CRTC3: variants seen among roughly 807,000 people sequenced by gnomAD.
The protein encoded by CRTC3 is CREB-regulated transcription coactivator 3.
A neutral mutation model predicts 74.5 loss-of-function variants in CRTC3; 26 were observed. That is an observed-to-expected ratio of 0.35 (90% CI 0.26 to 0.48). The LOEUF is 0.48. Ranked by LOEUF, CRTC3 falls within the 20% of genes least tolerant of loss-of-function variation. The pLI is 0.99. For synonymous variants in CRTC3, 377 were observed against 325.8 expected, an observed-to-expected ratio of 1.16 and a Z score of -1.69; for missense variants, 760 against 787.3, an observed-to-expected ratio of 0.97 and a Z score of 0.41.
intron 2 of CRTC3, among the ~76,000 whole-genome samples, chr15:90,578,721 AG>A (rs1330873296): frequency 1.3e-5 from 2 of 152,312 alleles, no homozygotes; most frequent in African/African-American, 4.8e-5. Flanking sequence ...ATCGATTGTG[AG>A]GTGGGAACTG....
chr15:90,598,575 A>T (rs1040250632), intron 3 of CRTC3: 1 of 700,800 alleles, frequency 1.4e-6, no homozygotes, highest in African/African-American at 1.8e-5. Context: ...CTGAGATCCT[A>T]ACATGAGTGT....
intron 10 of CRTC3, among the ~76,000 whole-genome samples, chr15:90,628,507 G>A (rs1250833739): frequency 6.6e-6 from 1 of 152,222 alleles, no homozygotes; most frequent in Non-Finnish European, 1.5e-5. Flanking sequence ...GCAGGGCATA[G>A]GACAGGATCC....
intron 2 of CRTC3, among the ~76,000 whole-genome samples, chr15:90,547,149 G>C (rs6496688): frequency 6.6e-6 from 1 of 152,068 alleles, no homozygotes; most frequent in African/African-American, 2.4e-5. Context: ...TATGGTATAC[G>C]ATACGATATT....
At chr15:90,603,171 C>T (rs564565418) in intron 4 of CRTC3, among the ~76,000 whole-genome samples, 80 of 151,686 alleles carry the variant, frequency 5.3e-4, no homozygotes, top group African/African-American at 1.7e-3. Flanking sequence ...TGGCCAGGCA[C>T]GGTGGCTCAT....
Position 90,530,661 on chromosome 15 carries a change from G to C in CRTC3, c.132+458G>C, listed in dbSNP as rs4261512. 1.4e-4 allele frequency: 22 copies of C among 152,336 alleles called. No homozygotes were observed. The highest frequency in any genetic ancestry group is 5.1e-4 in the African/African-American group (21 of 41,566). The allele number at this position is 152,336 out of a possible 1,614,324, so 9.4% of individuals were successfully genotyped here. On this transcript the variant is annotated intron_variant, in intron 1 of 14. Transcript: ENST00000268184. This position sits in a 1 kb window ranked among gnomAD's most constrained non-coding sequence, Gnocchi z 6.2. ...GCACCCCAGGGTCCCACGCGCTCGTGGGGGGAGCTCTGTGCACAAGTCCAT... is the reference window on the plus strand; with the variant it reads ...GCACCCCAGGGTCCCACGCGCTCGTCGGGGGAGCTCTGTGCACAAGTCCAT...
At chr15:90,625,133 T>C (rs997402977) in intron 9 of CRTC3, 6 of 153,122 alleles carry the variant, frequency 3.9e-5, no homozygotes, top group Non-Finnish European at 8.7e-5. Context: ...TTATAACTTT[T>C]AAAAATGGAA....
intron 2 of CRTC3, among the ~76,000 whole-genome samples, chr15:90,580,454 T>C (rs1967512350): frequency 6.6e-6 from 1 of 150,810 alleles, no homozygotes; most frequent in African/African-American, 2.4e-5. Flanking sequence ...GAGACGAGTC[T>C]TGCTCGCTCT....
chr15:90,552,926 T>C (rs1167069504), intron 2 of CRTC3, among the ~76,000 whole-genome samples: 1 of 152,184 alleles, frequency 6.6e-6, no homozygotes, highest in East Asian at 1.9e-4. Flanking sequence ...AAGGTTATAA[T>C]GTTATATTTT....
At chr15:90,569,482 G>T (rs1481734069) in intron 2 of CRTC3, among the ~76,000 whole-genome samples, 1 of 47,280 alleles carries the variant, frequency 2.1e-5, no homozygotes, top group Admixed American at 2.1e-4. Context: ...ACCACACCTG[G>T]CTAATTTTGT....
At chr15:90,620,951 G>T (rs1291490871) in intron 9 of CRTC3, among the ~76,000 whole-genome samples, 1 of 152,092 alleles carries the variant, frequency 6.6e-6, no homozygotes, top group East Asian at 1.9e-4. Flanking sequence ...ATTCTTTCTG[G>T]CAGGTTAAAC....
intron 2 of CRTC3, among the ~76,000 whole-genome samples, chr15:90,551,944 G>GCACACACACACACA (rs5814439): frequency 7.7e-6 from 1 of 129,198 alleles, no homozygotes; most frequent in African/African-American, 3.7e-5. Context: ...ACACACACAC[G>GCACACACACACACA]CACACACACA....
intron 6 of CRTC3, among the ~76,000 whole-genome samples, chr15:90,607,734 C>A (rs1968262465): frequency 6.6e-6 from 1 of 152,210 alleles, no homozygotes; most frequent in South Asian, 2.1e-4. Context: ...GGGCACCCGT[C>A]ATCTTCTAAT....
chr15:90,591,206 C>T (rs1967793048), intron 2 of CRTC3, among the ~76,000 whole-genome samples: 1 of 151,914 alleles, frequency 6.6e-6, no homozygotes, highest in Admixed American at 6.6e-5. Context: ...TCAAGTGGTC[C>T]TCCCACCTCA....
At chr15:90,639,349 A>G (rs542060076) in intron 13 of CRTC3, among the ~76,000 whole-genome samples, 1 of 151,918 alleles carries the variant, frequency 6.6e-6, no homozygotes, top group South Asian at 2.1e-4. Flanking sequence ...ACTATTTTTA[A>G]TATTCTAGAT....
In CRTC3 at chr15:90,557,298, C is replaced by A. The variant is rs534265761; in HGVS notation, c.231+17161C>A. Reference sequence around the variant, plus strand: ...GCACCCCCTCACAGTCTAGGAGCAGCTTCTCTCTCCCCCACATTTTGAGCT... The same window carrying A: ...GCACCCCCTCACAGTCTAGGAGCAGATTCTCTCTCCCCCACATTTTGAGCT... On this transcript the variant is annotated intron_variant, in intron 2 of 14. Coordinates refer to ENST00000268184, the MANE Select transcript of CRTC3 (RefSeq NM_022769.5). 2.0e-5 allele frequency among the ~76,000 whole-genome samples: 3 copies of A among 152,288 alleles called. No individual in the cohort carries two copies. The East Asian group carries it at 5.8e-4, about 29-fold the overall frequency.
At chr15:90,535,144 A>C (rs1966696721) in intron 1 of CRTC3, among the ~76,000 whole-genome samples, 1 of 146,912 alleles carries the variant, frequency 6.8e-6, no homozygotes, top group African/African-American at 2.6e-5. Context: ...CTGGGCAACA[A>C]GAGCGAAACT....
chr15:90,627,788 ATTTT>A (rs1968891298), intron 10 of CRTC3, among the ~76,000 whole-genome samples: 1 of 148,874 alleles, frequency 6.7e-6, no homozygotes, highest in Non-Finnish European at 1.5e-5. Context: ...CGCCCGGCTA[ATTTT>A]TTTAGTAGAG....
At chr15:90,535,695 C>G (rs1423950830) in intron 1 of CRTC3, among the ~76,000 whole-genome samples, 2 of 152,116 alleles carry the variant, frequency 1.3e-5, no homozygotes, top group East Asian at 3.9e-4. Flanking sequence ...CATAGATTAG[C>G]GAGCTCTCAG....
chr15:90,549,306 A>ATGTG (rs1261568491), intron 2 of CRTC3, among the ~76,000 whole-genome samples: 1 of 142,256 alleles, frequency 7.0e-6, no homozygotes, highest in South Asian at 2.2e-4. Context: ...GTGTGTGTGT[A>ATGTG]TGTGTGTGTG....
Sources: gnomAD v4.1 joint callset for allele counts (sites outside exome capture counted in the v4.1 genomes callset) on GRCh38, gnomAD v4.1.1 for gene constraint, Gnocchi (gnomAD v3.1) non-coding constraint, MANE v1.5 for transcripts, NCBI Gene and HGNC (gene_info 2026-07-23, HGNC 2026-07-21) for gene names.